The following CCDC14 variants were observed in gnomAD, a reference collection of about 807,000 sequenced individuals.
CCDC14 encodes coiled-coil domain-containing protein 14.
A neutral mutation model predicts 81.4 loss-of-function variants in CCDC14; 71 were observed. That is an observed-to-expected ratio of 0.87 (90% CI 0.72 to 1.06). The LOEUF (loss-of-function observed/expected upper bound fraction) is 1.06. Among genes scored for constraint, CCDC14 ranks in the 50% least tolerant of loss-of-function variants. The probability of loss-of-function intolerance (pLI) is 0.00; values close to 1 mark genes in which losing one functional copy is unlikely to be tolerated. For missense variants in CCDC14, 1,046 were observed against 1,047.3 expected (o/e 1.00, Z 0.02); for synonymous variants, 332 against 364.8 (o/e 0.91, Z 1.03).
At chr3:123,916,146 G>A (rs960495438) in intron 12 of CCDC14, among the ~76,000 whole-genome samples, 2 of 151,646 alleles carry the variant, frequency 1.3e-5, no homozygotes, top group Admixed American at 6.6e-5. Context: ...TTACAGGTGC[G>A]CATCACCACG....
At chr3:123,908,949 TTGAC>T (rs1019576587), downstream of CCDC14, among the ~76,000 whole-genome samples, 1 of 152,212 alleles carries the variant, frequency 6.6e-6, no homozygotes, top group African/African-American at 2.4e-5. Context: ...TCTAATCATA[TTGAC>T]TGACCTAAAA....
At chr3:123,918,465 T>C (rs1473254856) in intron 12 of CCDC14, among the ~76,000 whole-genome samples, 4 of 152,116 alleles carry the variant, frequency 2.6e-5, no homozygotes, top group African/African-American at 7.2e-5. Flanking sequence ...CTAGCTACTA[T>C]CCACAGACAA....
the CCDC14 span, among the ~76,000 whole-genome samples, chr3:123,889,034 A>G: frequency 6.6e-6 from 1 of 152,216 alleles, no homozygotes; most frequent in Non-Finnish European, 1.5e-5. Context: ...TCTGCCTATG[A>G]ACCTGTAAAA....
chr3:123,913,620 CAT>C lies in CCDC14; in HGVS notation c.*1157_*1158del, dbSNP rs2034499868. 2 of 980,338 alleles carry C rather than the reference CAT, an allele frequency of 2.0e-6. No individual in the cohort carries two copies. Among genetic ancestry groups the C allele is most frequent in the African/African-American group, 3.6e-5 (2 of 55,822 alleles). The allele number at this position is 980,338 out of a possible 1,614,324, so 60.7% of individuals were successfully genotyped here. On this transcript the variant is annotated 3_prime_UTR_variant, in exon 13 of 13. Transcript: ENST00000409697. ...TAAATCTCTATCTGGAAAATCTGAA[CAT>C]ATCAAAGAGACTACAGCTGGCTCCT...
chr3:123,945,047 T>C (rs2036550221), intron 8 of CCDC14, 57 bp from the exon 9 acceptor site: 12 of 1,176,540 alleles, frequency 1.0e-5, no homozygotes, highest in Middle Eastern at 2.3e-4. Flanking sequence ...ACAAGATTAT[T>C]AGTATGTATT....
chr3:123,919,333 C>T (rs1275012220), intron 12 of CCDC14, among the ~76,000 whole-genome samples: 1 of 152,168 alleles, frequency 6.6e-6, no homozygotes, highest in East Asian at 1.9e-4. Flanking sequence ...TGAGGTTTTG[C>T]CCAGGCCCAG....
At chr3:123,899,485 C>A (rs533302207) in intron 5 of CCDC14, among the ~76,000 whole-genome samples, 10 of 152,344 alleles carry the variant, frequency 6.6e-5, no homozygotes, top group Non-Finnish European at 1.5e-4. Context: ...ACCTGCCCAG[C>A]CTCCTGGCTC....
intron 5 of CCDC14, chr3:123,949,505 T>C (rs1397453098): frequency 5.4e-6 from 1 of 185,390 alleles, no homozygotes; most frequent in African/African-American, 2.4e-5. Context: ...GAAAATGCAA[T>C]AGGAAAGAGA....
intron 1 of CCDC14, 65 bp downstream of exon 1, chr3:123,961,079 T>C: frequency 7.3e-7 from 1 of 1,373,158 alleles, no homozygotes; most frequent in Non-Finnish European, 9.9e-7. Context: ...TACAAGTTCC[T>C]GGCCCGAAAA....
intron 5 of CCDC14, 200 bp downstream of exon 5, chr3:123,955,643 C>G: frequency 2.5e-6 from 1 of 399,644 alleles, no homozygotes; most frequent in Non-Finnish European, 4.3e-6. Flanking sequence ...GTCTCTTTTT[C>G]TATTTTTCTT....
intron 12 of CCDC14, among the ~76,000 whole-genome samples, chr3:123,917,180 T>C (rs1559765147): frequency 6.6e-6 from 1 of 150,656 alleles, no homozygotes; most frequent in Non-Finnish European, 1.5e-5. Context: ...TCTATTTAAA[T>C]TGAATTATAT....
At chr3:123,931,645 G>A (rs943659815) in intron 10 of CCDC14, 119 bp from the exon 11 acceptor site, 81 of 604,782 alleles carry the variant, frequency 1.3e-4, no homozygotes, top group South Asian at 1.1e-3. Context: ...TTTGTTTAAC[G>A]ATTAATTGCA....
intron 5 of CCDC14, among the ~76,000 whole-genome samples, chr3:123,900,213 T>C (rs1459204655): frequency 6.6e-6 from 1 of 152,090 alleles, no homozygotes; most frequent in Non-Finnish European, 1.5e-5. Flanking sequence ...AAGAACAAGG[T>C]AGAATTTTTA....
intron 12 of CCDC14, among the ~76,000 whole-genome samples, chr3:123,919,852 C>T (rs1450272951): frequency 2.6e-5 from 4 of 152,020 alleles, no homozygotes; most frequent in Non-Finnish European, 5.9e-5. Context: ...GACACCAATG[C>T]AAGGATACAA....
At chr3:123,934,500 A>C (rs116172844) in intron 9 of CCDC14, among the ~76,000 whole-genome samples, 139 of 152,270 alleles carry the variant, frequency 9.1e-4, no homozygotes, top group African/African-American at 3.2e-3. Flanking sequence ...GCTATCAGAC[A>C]TCTATCTGCC....
the CCDC14 span, among the ~76,000 whole-genome samples, chr3:123,885,909 T>C: frequency 4.6e-5 from 7 of 152,178 alleles, no homozygotes. Context: ...TACCCTGAGA[T>C]AGGAAAGGCA....
At position 123,914,722 on chromosome 3, in the gene CCDC14, TC is replaced by T. The variant is rs2034556915; in HGVS notation, c.*56del. The T allele has an allele frequency of 4.8e-6, 7 of 1,455,300 alleles. No individual in the cohort carries two copies. Among genetic ancestry groups the T allele is most frequent in the Non-Finnish European group, 5.4e-6 (6 of 1,105,248 alleles). The allele number at this position is 1,455,300 out of a possible 1,614,324, so 90.1% of individuals were successfully genotyped here. On this transcript the variant is annotated 3_prime_UTR_variant, in exon 13 of 13. Transcript: ENST00000409697. ...CATTTCACTAAAGAAAAATACACATTCAATATAGCCAAGTTCTAGTTTTAAA... is the reference window on the plus strand; with the variant it reads ...CATTTCACTAAAGAAAAATACACATTAATATAGCCAAGTTCTAGTTTTAAA...
chr3:123,896,668 T>A (rs1416029892), downstream of CCDC14, among the ~76,000 whole-genome samples: 1 of 152,132 alleles, frequency 6.6e-6, no homozygotes, highest in Non-Finnish European at 1.5e-5. Context: ...TTAAAATCTT[T>A]TTTAAAAAAG....
At chr3:123,918,212 A>C (rs1460977785) in intron 12 of CCDC14, among the ~76,000 whole-genome samples, 2 of 152,214 alleles carry the variant, frequency 1.3e-5, no homozygotes, top group Non-Finnish European at 2.9e-5. Flanking sequence ...TTCTCCTACA[A>C]AACTAAAAAC....
Sources: gnomAD v4.1 joint callset for allele counts (sites outside exome capture counted in the v4.1 genomes callset) on GRCh38, gnomAD v4.1.1 for gene constraint, MANE v1.5 for transcripts, NCBI Gene and HGNC (gene_info 2026-07-23, HGNC 2026-07-21) for gene names.